Variants in DLG2 observed in about 807,000 individuals in gnomAD.
DLG2 encodes the protein disks large homolog 2.
A neutral mutation model predicts 132.5 loss-of-function variants in DLG2; 45 were observed. The observed-to-expected ratio is 0.34, with a 90% CI of 0.27 to 0.44. The LOEUF (loss-of-function observed/expected upper bound fraction) is 0.44, where lower values mean the gene tolerates loss of function less well. Ranked by LOEUF, DLG2 falls within the 20% of genes least tolerant of loss-of-function variation. DLG2 has a pLI of 1.00. For missense variants in DLG2, 1,045 were observed against 1,196.9 expected, an observed-to-expected ratio of 0.87 and a Z score of 1.87; for synonymous variants, 424 against 419.6, an observed-to-expected ratio of 1.01 and a Z score of -0.13.
At chr11:83,532,239 TTA>T (rs2095769033) in intron 21 of DLG2, among the ~76,000 whole-genome samples, 1 of 152,250 alleles carries the variant, frequency 6.6e-6, no homozygotes, top group East Asian at 1.9e-4. Context: ...ATTTTAGTCA[TTA>T]ATTCTCTTCT....
chr11:84,487,466 G>A (rs1256687224), intron 7 of DLG2, among the ~76,000 whole-genome samples: 2 of 151,964 alleles, frequency 1.3e-5, no homozygotes, highest in African/African-American at 4.8e-5. Flanking sequence ...GGTCATCAAG[G>A]GGAAAGAGTC....
intron 7 of DLG2, among the ~76,000 whole-genome samples, chr11:84,453,486 A>G (rs2099057186): frequency 6.6e-6 from 1 of 151,614 alleles, no homozygotes; most frequent in Admixed American, 6.6e-5. Context: ...AGGATCAATA[A>G]TTATAAGACC....
intron 4 of DLG2, among the ~76,000 whole-genome samples, chr11:85,247,453 T>G (rs1249668564): frequency 1.3e-5 from 2 of 152,144 alleles, no homozygotes; most frequent in Non-Finnish European, 2.9e-5. Context: ...CTATCCAAAA[T>G]TACAAGTCCT....
intron 6 of DLG2, among the ~76,000 whole-genome samples, chr11:84,600,588 T>C (rs961136670): frequency 1.3e-5 from 2 of 152,202 alleles, no homozygotes; most frequent in Non-Finnish European, 2.9e-5. Context: ...TCAAATATAA[T>C]GCTCTTTTAA....
At chr11:84,688,752 C>A (rs956352490) in intron 6 of DLG2, among the ~76,000 whole-genome samples, 1 of 152,158 alleles carries the variant, frequency 6.6e-6, no homozygotes, top group African/African-American at 2.4e-5. Context: ...AAGATCAGCT[C>A]AAATATGACC....
chr11:85,002,132 C>G (rs1449438428), intron 6 of DLG2, among the ~76,000 whole-genome samples: 1 of 152,126 alleles, frequency 6.6e-6, no homozygotes, highest in Admixed American at 6.6e-5. Context: ...ATTATATCTA[C>G]TTGCTTCATC....
At chr11:85,587,708 A>C (rs2079058792) in intron 3 of DLG2, among the ~76,000 whole-genome samples, 1 of 152,162 alleles carries the variant, frequency 6.6e-6, no homozygotes. Context: ...AAGTACTGAG[A>C]TGTGAGGTAC....
In DLG2 at chr11:83,870,519, C is replaced by T. The variant is rs1312446159; in HGVS notation, c.1565+3901G>A. On this transcript the variant is annotated intron_variant, in intron 16 of 27. Coordinates refer to ENST00000376104, the MANE Select transcript of DLG2 (RefSeq NM_001142699.3). ...ATTCATCCAGTCATTCGTTGATAGG[C>T]ACTTAGGTTGATTAGGCTTTTTAAC... 2.0e-5 allele frequency among the ~76,000 whole-genome samples: 3 copies of T among 152,058 alleles called. No individual in the cohort carries two copies. The East Asian group carries it at 5.8e-4, about 29-fold the overall frequency.
At chr11:84,720,173 A>T (rs1201520927) in intron 6 of DLG2, 7 of 784,000 alleles carry the variant, frequency 8.9e-6, no homozygotes, top group Non-Finnish European at 1.1e-5. Context: ...GCTCCCAGAA[A>T]GAGCAGAGCA....
At chr11:84,179,464 A>C (rs2096061112) in intron 8 of DLG2, among the ~76,000 whole-genome samples, 1 of 152,146 alleles carries the variant, frequency 6.6e-6, no homozygotes. Context: ...GCCAGGGTAG[A>C]AAAACCTGAA....
At chr11:85,583,807 T>C (rs1488333617) in intron 3 of DLG2, among the ~76,000 whole-genome samples, 1 of 152,126 alleles carries the variant, frequency 6.6e-6, no homozygotes, top group Admixed American at 6.5e-5. Flanking sequence ...GAAAGGAGTA[T>C]AAAGGTGAAA....
At chr11:84,083,971 C>T (rs930081069) in intron 10 of DLG2, among the ~76,000 whole-genome samples, 1 of 152,120 alleles carries the variant, frequency 6.6e-6, no homozygotes, top group Non-Finnish European at 1.5e-5. Context: ...AGAGGCTTTA[C>T]TCTCATTCAC....
chr11:85,199,982 T>A (rs1354044879), intron 4 of DLG2, among the ~76,000 whole-genome samples: 1 of 150,864 alleles, frequency 6.6e-6, no homozygotes, highest in African/African-American at 2.4e-5. Context: ...GACAGTGACA[T>A]CAACAAGATG....
chr11:83,845,599 T>C (rs1249659385), intron 16 of DLG2, among the ~76,000 whole-genome samples: 1 of 152,204 alleles, frequency 6.6e-6, no homozygotes, highest in African/African-American at 2.4e-5. Context: ...GATCTATGCA[T>C]TAAATATACA....
intron 7 of DLG2, among the ~76,000 whole-genome samples, chr11:84,264,729 A>G (rs1331123468): frequency 6.6e-6 from 1 of 152,130 alleles, no homozygotes; most frequent in African/African-American, 2.4e-5. Flanking sequence ...TAGAAAGGAG[A>G]TGATAACTTC....
chr11:84,401,281 C>T (rs1458152283), intron 7 of DLG2, among the ~76,000 whole-genome samples: 1 of 152,142 alleles, frequency 6.6e-6, no homozygotes, highest in Admixed American at 6.5e-5. Flanking sequence ...ACCACATGCC[C>T]TCAAAACCCC....
chr11:84,375,564 TC>T (rs1258929503), intron 7 of DLG2, among the ~76,000 whole-genome samples: 30 of 152,226 alleles, frequency 2.0e-4, no homozygotes, highest in Admixed American at 1.8e-3. Context: ...AATGTGGATA[TC>T]TATCTTTTTG....
At chr11:83,908,190 T>C (rs1596279699) in intron 15 of DLG2, among the ~76,000 whole-genome samples, 1 of 152,330 alleles carries the variant, frequency 6.6e-6, no homozygotes, top group South Asian at 2.1e-4. Context: ...ATCCGTATAC[T>C]TATTGCCATC....
intron 6 of DLG2, among the ~76,000 whole-genome samples, chr11:84,856,372 T>C (rs754524560): frequency 6.6e-6 from 1 of 152,046 alleles, no homozygotes; most frequent in Non-Finnish European, 1.5e-5. Context: ...GGAGATATCA[T>C]GCAGGTTCCC....
Sources: allele counts gnomAD v4.1 joint callset (sites outside exome capture counted in the v4.1 genomes callset), GRCh38; gene constraint gnomAD v4.1.1; transcripts MANE v1.5; gene names NCBI Gene and HGNC (gene_info 2026-07-23, HGNC 2026-07-21).